Variants in EGFR observed in about 807,000 individuals in gnomAD.
EGFR encodes the protein epidermal growth factor receptor.
Under a neutral mutation model 143.0 loss-of-function variants are expected in EGFR, and 58 were observed. The ratio of observed to expected loss-of-function variants is 0.41; its 90% CI spans 0.33 to 0.50. The LOEUF (loss-of-function observed/expected upper bound fraction) is 0.50. EGFR is among the 20% of genes least tolerant of loss of function. The pLI, the probability that EGFR is intolerant of heterozygous loss-of-function variation, is 0.39. For synonymous variants in EGFR, 613 were observed against 594.4 expected (o/e 1.03, Z -0.45); for missense variants, 1,307 against 1,579.0 (o/e 0.83, Z 2.92).
At chr7:55,083,485 CT>C (rs574514542) in intron 1 of EGFR, among the ~76,000 whole-genome samples, 18 of 152,324 alleles carry the variant, frequency 1.2e-4, no homozygotes, top group African/African-American at 4.3e-4. Flanking sequence ...TGAATGTCAT[CT>C]TTGGTGAATG....
chr7:55,098,226 T>TC (rs1164717457), intron 1 of EGFR, among the ~76,000 whole-genome samples: 7 of 152,148 alleles, frequency 4.6e-5, no homozygotes, highest in Non-Finnish European at 8.8e-5. Context: ...AGCTCACTGA[T>TC]TTTTTCAAAA....
At chr7:55,074,257 G>C (rs1208388533) in intron 1 of EGFR, among the ~76,000 whole-genome samples, 2 of 152,226 alleles carry the variant, frequency 1.3e-5, no homozygotes, top group African/African-American at 4.8e-5. Flanking sequence ...CATGAGTCCT[G>C]TCCAGGTCCA....
rs1236614532 is a variant in EGFR at position 55,039,136 on chromosome 7, G to A, written c.88+19771G>A. 2.6e-5 allele frequency among the ~76,000 whole-genome samples: 4 copies of A among 152,202 alleles called. No homozygotes were observed. The East Asian group carries it at 7.7e-4, about 29-fold the overall frequency. On this transcript the variant is annotated intron_variant, in intron 1 of 27. Transcript: ENST00000275493. The stretch of plus-strand genomic sequence containing the variant: ...AAAGGGCCCATGCGTTATGAAATTT[G>A]AGATCCATCACTTTAAGTGAATGTA...
chr7:55,139,552 TTA>T (rs1794339083), intron 1 of EGFR, among the ~76,000 whole-genome samples: 1 of 152,172 alleles, frequency 6.6e-6, no homozygotes, highest in South Asian at 2.1e-4. Context: ...AGAAACAACC[TTA>T]TGTGTTTTCT....
chr7:55,165,741 G>A (rs1177897750), intron 15 of EGFR, among the ~76,000 whole-genome samples: 1 of 151,956 alleles, frequency 6.6e-6, no homozygotes, highest in Non-Finnish European at 1.5e-5. Flanking sequence ...AGTCTCCAGG[G>A]GCTTTTGCGT....
intron 10 of EGFR, among the ~76,000 whole-genome samples, chr7:55,157,289 G>A (rs1785473234): frequency 6.6e-6 from 1 of 152,232 alleles, no homozygotes; most frequent in Non-Finnish European, 1.5e-5. Flanking sequence ...TTTAAGGTTG[G>A]AATCAAATAA....
chr7:55,074,519 G>A (rs76068442), intron 1 of EGFR, among the ~76,000 whole-genome samples: 1,839 of 152,296 alleles, frequency 0.012, 21 homozygotes, highest in Middle Eastern at 0.037. Flanking sequence ...AAAGGCCACC[G>A]AAGTCTTTCC....
chr7:55,094,509 G>A (rs1791325860), intron 1 of EGFR, among the ~76,000 whole-genome samples: 1 of 152,236 alleles, frequency 6.6e-6, no homozygotes, highest in South Asian at 2.1e-4. Flanking sequence ...GAGTCCTTGA[G>A]TTGGAGATTA....
chr7:55,038,396 A>G (rs1461860981), intron 1 of EGFR, among the ~76,000 whole-genome samples: 2 of 152,168 alleles, frequency 1.3e-5, no homozygotes, highest in Non-Finnish European at 2.9e-5. Flanking sequence ...AAGACAGAAG[A>G]TGTGGACTAG....
In EGFR at chr7:55,172,032, C is replaced by CTGG. The variant is rs543223646; in HGVS notation, c.1919+820_1919+822dup. Reference sequence around the variant, plus strand: ...GAGGAAGAAGGCAACTTCAAAAAGACTGGGTCCCCTTCCACTCCCATCTCT... The same window carrying CTGG: ...GAGGAAGAAGGCAACTTCAAAAAGACTGGTGGGTCCCCTTCCACTCCCATCTCT... On this transcript the variant is annotated intron_variant, in intron 16 of 27. Transcript: ENST00000275493. Among the ~76,000 whole-genome samples the CTGG allele has an allele frequency of 2.4e-3, 369 of 152,308 alleles. 2 individuals are homozygous for CTGG. Among genetic ancestry groups the CTGG allele is most frequent in the African/African-American group, 8.4e-3 (351 of 41,574 alleles).
rs1010599071 is a variant in EGFR at position 55,019,316 on chromosome 7, G to T, written c.39G>T (p.Ala13=). The change falls in exon 1 of 28, where the codon GCG becomes GCT. Residue 13 remains alanine (A), a synonymous_variant. Coordinates refer to ENST00000275493, the MANE Select transcript of EGFR (RefSeq NM_005228.5). ...GGACGGCCGGGGCAGCGCTCCTGGC[G>T]CTGCTGGCTGCGCTCTGCCCGGCGA... ...PSGTAGAALL[A]LLAALCPASR... is the part of the protein sequence containing the mutation. 2.6e-6 allele frequency: 4 copies of T among 1,521,916 alleles called. No individual in the cohort carries two copies. The highest frequency in any genetic ancestry group is 1.4e-5 in the African/African-American group (1 of 69,520). 94.3% of individuals were successfully genotyped at this position (1,521,916 alleles called of 1,614,324 possible).
intron 1 of EGFR, among the ~76,000 whole-genome samples, chr7:55,112,517 G>A (rs1051244016): frequency 2.6e-5 from 4 of 152,226 alleles, no homozygotes; most frequent in Admixed American, 1.3e-4. Flanking sequence ...GCCTGGTGTG[G>A]CCAGGGGCTG....
intron 1 of EGFR, among the ~76,000 whole-genome samples, chr7:55,019,968 A>G (rs546291239): frequency 1.3e-5 from 2 of 152,230 alleles, no homozygotes; most frequent in South Asian, 4.1e-4. Flanking sequence ...GGCGCCCGCC[A>G]GCCTGGCCCC....
At chr7:55,120,453 T>G (rs1326676240) in intron 1 of EGFR, among the ~76,000 whole-genome samples, 1 of 152,210 alleles carries the variant, frequency 6.6e-6, no homozygotes, top group Non-Finnish European at 1.5e-5. Context: ...CTCTTGTTAG[T>G]AGAGAAAGCA....
intron 1 of EGFR, among the ~76,000 whole-genome samples, chr7:55,081,720 G>GC (rs1554326146): frequency 7.6e-6 from 1 of 131,938 alleles, no homozygotes; most frequent in Non-Finnish European, 1.7e-5. Context: ...TTTTAGACTG[G>GC]TTTTTTTTTT....
chr7:55,034,037 A>G (rs905523689), intron 1 of EGFR, among the ~76,000 whole-genome samples: 5 of 152,084 alleles, frequency 3.3e-5, no homozygotes, highest in African/African-American at 4.8e-5. Flanking sequence ...AGACATGGCA[A>G]TGATGGCCAT....
chr7:55,052,767 C>T (rs1321201243), intron 1 of EGFR, among the ~76,000 whole-genome samples: 1 of 152,132 alleles, frequency 6.6e-6, no homozygotes, highest in African/African-American at 2.4e-5. Flanking sequence ...GTCAAGGGCT[C>T]CGGGTGGGAA....
At chr7:55,064,433 G>C (rs1324422822) in intron 1 of EGFR, among the ~76,000 whole-genome samples, 4 of 152,172 alleles carry the variant, frequency 2.6e-5, no homozygotes, top group Non-Finnish European at 4.4e-5. Context: ...TTAGTATCCA[G>C]ACATCCAGAA....
chr7:55,172,856 G>A, intron 16 of EGFR, 127 bp from the exon 17 acceptor site: 1 of 1,599,038 alleles, frequency 6.3e-7, no homozygotes. Context: ...AAGCTACATA[G>A]TGTCTCACTT....
Sources: gnomAD v4.1 joint callset for allele counts (sites outside exome capture counted in the v4.1 genomes callset) on GRCh38, gnomAD v4.1.1 for gene constraint, MANE v1.5 for transcripts, NCBI Gene and HGNC (gene_info 2026-07-23, HGNC 2026-07-21) for gene names.